Variants in PRKN observed in about 807,000 individuals in gnomAD.
PRKN encodes the protein E3 ubiquitin-protein ligase parkin.
In PRKN, 56 loss-of-function variants were observed where a neutral mutation model predicts 59.5. That is an observed-to-expected ratio of 0.94 (90% CI 0.76 to 1.18). The LOEUF is 1.18. Among genes scored for constraint, PRKN ranks in the 50% most tolerant of loss-of-function variants. The probability of loss-of-function intolerance (pLI) is 0.00; values close to 1 mark genes in which losing one functional copy is unlikely to be tolerated. For synonymous variants in PRKN, 250 were observed against 222.1 expected (o/e 1.13, Z -1.12); for missense variants, 657 against 596.4 (o/e 1.10, Z -1.06).
At chr6:162,224,762 A>G (rs963343083) in intron 3 of PRKN, among the ~76,000 whole-genome samples, 2 of 152,112 alleles carry the variant, frequency 1.3e-5, no homozygotes, top group African/African-American at 4.8e-5. Flanking sequence ...CTAGTATTAT[A>G]CGCCCTAGGG....
intron 1 of PRKN, among the ~76,000 whole-genome samples, chr6:162,652,808 A>G (rs931424299): frequency 2.6e-5 from 4 of 152,130 alleles, no homozygotes; most frequent in African/African-American, 4.8e-5. Context: ...AGAAGAAGAA[A>G]AAATAAATAC....
chr6:161,584,901 T>C lies in PRKN; in HGVS notation c.872-15485A>G, dbSNP rs1434325039. 6.6e-6 allele frequency among the ~76,000 whole-genome samples: 1 copy of C among 152,216 alleles called. No individual in the cohort carries two copies. Among genetic ancestry groups the C allele is most frequent in the Non-Finnish European group, 1.5e-5 (1 of 68,038 alleles). ...AACAGCACAAGCCTGGCTGCCGGGATGGCTGTATTAGCAATGCAGTGCTAT... is the reference window on the plus strand; with the variant it reads ...AACAGCACAAGCCTGGCTGCCGGGACGGCTGTATTAGCAATGCAGTGCTAT... On this transcript the variant is annotated intron_variant, in intron 7 of 11. Transcript: ENST00000366898. The surrounding 1 kb of genome is among the most constrained non-coding windows in gnomAD (Gnocchi z 4.8).
intron 6 of PRKN, among the ~76,000 whole-genome samples, chr6:161,954,219 C>A (rs965948943): frequency 1.3e-5 from 2 of 152,172 alleles, no homozygotes; most frequent in African/African-American, 4.8e-5. Flanking sequence ...CACTTAGAGG[C>A]ATATGGCTTC....
chr6:161,716,107 C>T, intron 7 of PRKN: 1 of 1,348,038 alleles, frequency 7.4e-7, no homozygotes, highest in Non-Finnish European at 9.8e-7. Context: ...CAGAGCTCCT[C>T]TAAGCACCAC....
intron 9 of PRKN, among the ~76,000 whole-genome samples, chr6:161,490,689 C>T (rs1777523515): frequency 6.6e-6 from 1 of 152,086 alleles, no homozygotes; most frequent in Admixed American, 6.5e-5. Flanking sequence ...CTGTGCACGG[C>T]CAGATCTCTC....
chr6:161,412,646 CCACT>C (rs1787637354), intron 9 of PRKN, among the ~76,000 whole-genome samples: 1 of 151,106 alleles, frequency 6.6e-6, no homozygotes, highest in Admixed American at 6.6e-5. Flanking sequence ...ACTCATTCCT[CCACT>C]CACTCATTCC....
At chr6:161,380,426 CTT>C (rs977152868) in intron 10 of PRKN, among the ~76,000 whole-genome samples, 11 of 117,946 alleles carry the variant, frequency 9.3e-5, no homozygotes, top group Admixed American at 9.4e-5. Context: ...CCAAGTCTAT[CTT>C]TTTTTTTTTT....
At chr6:162,346,088 C>A (rs975271413) in intron 2 of PRKN, among the ~76,000 whole-genome samples, 1 of 152,106 alleles carries the variant, frequency 6.6e-6, no homozygotes, top group Non-Finnish European at 1.5e-5. Context: ...GACATTCCAG[C>A]CTTCAGAACT....
At position 161,576,360 on chromosome 6, in the gene PRKN, C is replaced by T. The variant is rs998602897; in HGVS notation, c.872-6944G>A. ...AGTTAAGGAGAATCTTGAAGATACT[C>T]ACCTTCCACCTAATAATGTACTTAC... On this transcript the variant is annotated intron_variant, in intron 7 of 11. Coordinates refer to ENST00000366898, the MANE Select transcript of PRKN (RefSeq NM_004562.3). This position sits in a 1 kb window ranked among gnomAD's most constrained non-coding sequence, Gnocchi z 4.6. 5.9e-5 allele frequency among the ~76,000 whole-genome samples: 9 copies of T among 152,222 alleles called. No individual in the cohort carries two copies. The highest frequency in any genetic ancestry group is 2.2e-4 in the African/African-American group (9 of 41,448).
At chr6:162,328,426 T>G (rs531838733) in intron 2 of PRKN, among the ~76,000 whole-genome samples, 1 of 152,294 alleles carries the variant, frequency 6.6e-6, no homozygotes, top group African/African-American at 2.4e-5. Context: ...GCTTGTTCTG[T>G]GAACACAGTC....
chr6:161,988,493 C>CAAAAT (rs965891091), intron 5 of PRKN, among the ~76,000 whole-genome samples: 11 of 151,122 alleles, frequency 7.3e-5, no homozygotes, highest in East Asian at 1.9e-4. Flanking sequence ...CTCAAAAAAA[C>CAAAAT]AAAATAAAAT....
chr6:161,372,296 T>G lies in PRKN; in HGVS notation c.1168-12091A>C, dbSNP rs2114899470. Reference sequence around the variant, plus strand: ...TGACATTCTCTAGTTTTTGGTTGGCTTAGGTCAGCAGTGACCAAAATTATC... The same window carrying G: ...TGACATTCTCTAGTTTTTGGTTGGCGTAGGTCAGCAGTGACCAAAATTATC... On this transcript the variant is annotated intron_variant, in intron 10 of 11. Coordinates refer to ENST00000366898, the MANE Select transcript of PRKN (RefSeq NM_004562.3). This position sits in a 1 kb window ranked among gnomAD's most constrained non-coding sequence, Gnocchi z 4.2. Among the ~76,000 whole-genome samples, 1 of 152,316 alleles carries G rather than the reference T, an allele frequency of 6.6e-6. No individual in the cohort carries two copies. Among genetic ancestry groups the G allele is most frequent in the East Asian group, 1.9e-4 (1 of 5,186 alleles).
At chr6:162,003,826 T>C (rs1782151389) in intron 5 of PRKN, among the ~76,000 whole-genome samples, 4 of 152,164 alleles carry the variant, frequency 2.6e-5, no homozygotes, top group Admixed American at 2.6e-4. Context: ...GTCCTGTTGA[T>C]TGGTAATACA....
intron 7 of PRKN, among the ~76,000 whole-genome samples, chr6:161,756,527 A>T (rs996398933): frequency 1.4e-4 from 21 of 150,528 alleles, no homozygotes; most frequent in African/African-American, 4.9e-4. Flanking sequence ...CTTTCTTTAG[A>T]ACTGTTTATC....
intron 6 of PRKN, among the ~76,000 whole-genome samples, chr6:161,850,970 A>G (rs1229941173): frequency 1.3e-5 from 2 of 152,210 alleles, no homozygotes; most frequent in African/African-American, 2.4e-5. Context: ...TGTCTGTGAA[A>G]TCGTAGGAAA....
intron 2 of PRKN, among the ~76,000 whole-genome samples, chr6:162,383,656 G>T (rs947614585): frequency 2.6e-5 from 4 of 152,158 alleles, no homozygotes; most frequent in African/African-American, 9.7e-5. Context: ...AGGTACATTT[G>T]CCCTTCACAA....
intron 5 of PRKN, among the ~76,000 whole-genome samples, chr6:162,044,239 T>C (rs575896329): frequency 6.6e-6 from 1 of 152,218 alleles, no homozygotes; most frequent in Non-Finnish European, 1.5e-5. Flanking sequence ...TTGAAACACC[T>C]AAACTTCAAC....
intron 4 of PRKN, among the ~76,000 whole-genome samples, chr6:162,123,171 T>G (rs185164824): frequency 2.0e-5 from 3 of 152,048 alleles, no homozygotes; most frequent in Admixed American, 1.3e-4. Context: ...GAGAAATGGA[T>G]CTCATTTACA....
intron 6 of PRKN, among the ~76,000 whole-genome samples, chr6:161,914,578 C>G (rs1211732468): frequency 6.6e-6 from 1 of 151,852 alleles, no homozygotes; most frequent in Non-Finnish European, 1.5e-5. Flanking sequence ...TTGTGAAATG[C>G]TTCATAGTCC....
Sources: allele counts gnomAD v4.1 joint callset (sites outside exome capture counted in the v4.1 genomes callset), GRCh38; gene constraint gnomAD v4.1.1; non-coding constraint Gnocchi (gnomAD v3.1); transcripts MANE v1.5; gene names NCBI Gene and HGNC (gene_info 2026-07-23, HGNC 2026-07-21).